PHF14: variants seen among roughly 807,000 people sequenced by gnomAD.
PHF14 encodes the protein PHD finger protein 14.
A neutral mutation model predicts 117.9 loss-of-function variants in PHF14; 55 were observed. The observed-to-expected ratio is 0.47, with a 90% confidence interval of 0.38 to 0.58. The LOEUF is 0.58. PHF14 is among the 20% of genes least tolerant of loss of function. The pLI is 0.00. For synonymous variants in PHF14, 409 were observed against 368.6 expected (o/e 1.11, Z -1.26); for missense variants, 978 against 1,122.2 (o/e 0.87, Z 1.84).
intron 17 of PHF14, among the ~76,000 whole-genome samples, chr7:11,120,477 T>C (rs1458033897): frequency 6.6e-6 from 1 of 152,076 alleles, no homozygotes; most frequent in East Asian, 1.9e-4. Flanking sequence ...TGAAAATCTT[T>C]CCTGTCTCAG....
chr7:11,085,196 G>A (rs2995902), intron 16 of PHF14, among the ~76,000 whole-genome samples: 59,544 of 151,932 alleles, frequency 0.39, 12,435 homozygotes, highest in East Asian at 0.85. Flanking sequence ...AGTTTTGCTT[G>A]ACATGTTTTA....
intron 13 of PHF14, among the ~76,000 whole-genome samples, chr7:11,050,115 A>G (rs1377565153): frequency 1.3e-5 from 2 of 152,178 alleles, no homozygotes; most frequent in Admixed American, 1.3e-4. Flanking sequence ...GGTACTTGGT[A>G]TTTAACTCTT....
At chr7:11,168,302 C>T (rs1789269870) in intron 17 of PHF14, among the ~76,000 whole-genome samples, 2 of 151,978 alleles carry the variant, frequency 1.3e-5, no homozygotes, top group African/African-American at 4.8e-5. Context: ...CCAGTGTTAA[C>T]AAAGTCTAAA....
intron 17 of PHF14, among the ~76,000 whole-genome samples, chr7:11,153,875 G>A (rs1029624093): frequency 2.2e-4 from 33 of 152,152 alleles, no homozygotes; most frequent in African/African-American, 8.0e-4. Context: ...TGGCTACAGA[G>A]TCTCGAAGTA....
intron 16 of PHF14, among the ~76,000 whole-genome samples, chr7:11,073,313 C>T (rs1368714151): frequency 6.6e-6 from 1 of 152,146 alleles, no homozygotes; most frequent in Non-Finnish European, 1.5e-5. Flanking sequence ...GGTAAACATT[C>T]CCATGTCAAA....
Position 10,998,182 on chromosome 7 carries a change from G to A in PHF14, c.1045+7335G>A, listed in dbSNP as rs116274739. ...AAGTAGAGAGATTGAGTAGATAAGA[G>A]TAACCATAGTAATTAGGGAAAAAAG... On this transcript the variant is annotated intron_variant, in intron 4 of 17. Coordinates refer to ENST00000634607, the MANE Select transcript of PHF14 (RefSeq NM_001007157.2). Among the ~76,000 whole-genome samples the A allele has an allele frequency of 2.9e-3, 446 of 152,244 alleles. 2 individuals are homozygous for A. Among genetic ancestry groups the A allele is most frequent in the African/African-American group, 0.01 (426 of 41,540 alleles).
intron 16 of PHF14, chr7:11,107,071 A>G (rs1226881893): frequency 1.0e-6 from 1 of 983,648 alleles, no homozygotes; most frequent in African/African-American, 1.7e-5. Context: ...TAATTGTTTC[A>G]GTTAGGTTTT....
At chr7:11,018,242 G>T (rs1407481736) in intron 5 of PHF14, among the ~76,000 whole-genome samples, 1 of 152,076 alleles carries the variant, frequency 6.6e-6, no homozygotes, top group Non-Finnish European at 1.5e-5. Context: ...GTCTTTTGTG[G>T]TTCCGTATAC....
intron 17 of PHF14, among the ~76,000 whole-genome samples, chr7:11,153,372 G>GT (rs1788753373): frequency 6.6e-6 from 1 of 152,110 alleles, no homozygotes; most frequent in Admixed American, 6.6e-5. Flanking sequence ...TATAGACCAA[G>GT]TGAGGTATAA....
intron 12 of PHF14, 50 bp from the exon 13 acceptor site, chr7:11,042,633 T>A (rs1784536287): frequency 3.0e-6 from 4 of 1,317,676 alleles, no homozygotes; most frequent in Non-Finnish European, 4.2e-6. Flanking sequence ...GTAAACTGTT[T>A]CACTATGATA....
At chr7:11,071,232 G>A (rs1403662751) in intron 16 of PHF14, 3 of 518,036 alleles carry the variant, frequency 5.8e-6, no homozygotes, top group South Asian at 4.2e-5. Flanking sequence ...TAGTACACTA[G>A]CTCTGATATT....
Position 10,973,892 on chromosome 7 carries a change from T to C in PHF14, c.-432T>C, listed in dbSNP as rs1299137077. ...TTTTCACTTCCTTTTCAGAGCTGTA[T>C]CCGGGTCGCTGCTTTCCCTATTGTC... On this transcript the variant is annotated 5_prime_UTR_variant, in exon 1 of 18. Coordinates refer to ENST00000634607, the MANE Select transcript of PHF14 (RefSeq NM_001007157.2). The C allele has an allele frequency of 1.8e-5, 3 of 171,322 alleles. No homozygotes were observed. The highest frequency in any genetic ancestry group is 3.8e-5 in the Non-Finnish European group (3 of 79,282). The allele number at this position is 171,322 out of a possible 1,614,324, so 10.6% of individuals were successfully genotyped here. A position where few individuals can be genotyped will look rare whatever the true frequency, so the allele number is the denominator to read the frequency against.
intron 17 of PHF14, among the ~76,000 whole-genome samples, chr7:11,164,994 C>T (rs7811637): frequency 0.082 from 12,406 of 152,172 alleles, 526 homozygotes; most frequent in African/African-American, 0.11. Flanking sequence ...GCGCGATCTC[C>T]GCTCACTGCA....
chr7:10,982,312 G>T, intron 2 of PHF14, 60 bp from the exon 3 acceptor site: 1 of 1,060,284 alleles, frequency 9.4e-7, no homozygotes, highest in South Asian at 1.9e-5. Flanking sequence ...TCAGCGTTGT[G>T]TGTGTGTGTG....
At chr7:11,012,909 C>G (rs1783401478) in intron 4 of PHF14, among the ~76,000 whole-genome samples, 1 of 152,148 alleles carries the variant, frequency 6.6e-6, no homozygotes, top group African/African-American at 2.4e-5. Context: ...AATGTTACTA[C>G]TCTGAACTTT....
In PHF14 at chr7:11,112,770, CA is replaced by C. The variant is rs1015653840; in HGVS notation, c.2772+1316del. 3.5e-3 allele frequency among the ~76,000 whole-genome samples: 442 copies of C among 127,370 alleles called. 2 individuals are homozygous for C. The highest frequency in any genetic ancestry group is 4.2e-3 in the African/African-American group (144 of 34,672). 83.6% of individuals were successfully genotyped at this position (127,370 alleles called of 152,430 possible). A position where few individuals can be genotyped will look rare whatever the true frequency, so the allele number is the denominator to read the frequency against. ...TGGGCGACAGGGCGAGACTCCATCT[CA>C]AAAAAAAAAAAATTATAAATATTTG... On this transcript the variant is annotated intron_variant, in intron 17 of 17. Coordinates refer to ENST00000634607, the MANE Select transcript of PHF14 (RefSeq NM_001007157.2).
chr7:11,092,761 C>T (rs930976624), intron 16 of PHF14, among the ~76,000 whole-genome samples: 3 of 152,072 alleles, frequency 2.0e-5, no homozygotes, highest in Non-Finnish European at 4.4e-5. Flanking sequence ...ACTCGCTGAA[C>T]CTGATCATTG....
intron 13 of PHF14, among the ~76,000 whole-genome samples, chr7:11,047,749 G>A (rs1784718999): frequency 6.8e-6 from 1 of 147,962 alleles, no homozygotes; most frequent in Non-Finnish European, 1.5e-5. Context: ...TTGCGCCAGT[G>A]CTCTCCAATC....
intron 16 of PHF14, among the ~76,000 whole-genome samples, chr7:11,091,807 A>G (rs1781962181): frequency 6.6e-6 from 1 of 152,136 alleles, no homozygotes; most frequent in South Asian, 2.1e-4. Flanking sequence ...CTGGAAATAA[A>G]TTTGATAACT....
Sources: gnomAD v4.1 joint callset for allele counts (sites outside exome capture counted in the v4.1 genomes callset) on GRCh38, gnomAD v4.1.1 for gene constraint, MANE v1.5 for transcripts, NCBI Gene and HGNC (gene_info 2026-07-23, HGNC 2026-07-21) for gene names.